Variants in ADGRF5 observed in about 807,000 individuals in gnomAD.
ADGRF5 encodes adhesion G protein-coupled receptor F5, also known as G-protein coupled receptor 116.
In ADGRF5, 75 loss-of-function variants were observed where a neutral mutation model predicts 132.3. The ratio of observed to expected loss-of-function variants is 0.57; its 90% CI spans 0.47 to 0.69. The LOEUF (loss-of-function observed/expected upper bound fraction) is 0.69. Ranked by LOEUF, ADGRF5 falls within the 30% of genes least tolerant of loss-of-function variation. The pLI, the probability that ADGRF5 is intolerant of heterozygous loss-of-function variation, is 0.00. For synonymous variants in ADGRF5, 629 were observed against 597.6 expected, an observed-to-expected ratio of 1.05 and a Z score of -0.77; for missense variants, 1,516 against 1,630.6, an observed-to-expected ratio of 0.93 and a Z score of 1.21.
chr6:46,856,104 A>C (rs747099929), intron 19 of ADGRF5, 46 bp from the exon 20 acceptor site: 4 of 1,087,390 alleles, frequency 3.7e-6, no homozygotes. Flanking sequence ...AATTTGTGGG[A>C]CCAAAGCTGT....
chr6:46,866,938 T>A lies in ADGRF5; in HGVS notation c.1821A>T (p.Ser607=), dbSNP rs1770517462. ...DYKVTFHTGS[S]SLPAAKEVNK... ...TCAGCATCTTACCAGCAGGAAGGGA[T>A]GAGGAACCCGTATGGAAAGTAACTT... is the stretch of plus-strand genomic sequence containing the variant. Residue 607 remains serine, a synonymous_variant, in exon 13 of 21, where the codon TCA becomes TCT. Transcript: ENST00000283296. 1.9e-6 allele frequency: 3 copies of A among 1,602,442 alleles called. No individual in the cohort carries two copies. The highest frequency in any genetic ancestry group is 2.2e-5 in the South Asian group (2 of 90,812).
At chr6:46,909,255 G>A (rs1249060026) in intron 1 of ADGRF5, among the ~76,000 whole-genome samples, 6 of 152,156 alleles carry the variant, frequency 3.9e-5, no homozygotes, top group African/African-American at 1.2e-4. Context: ...AATTCCTGGA[G>A]TAAACGGCAG....
intron 10 of ADGRF5, among the ~76,000 whole-genome samples, chr6:46,875,632 C>T (rs1562171179): frequency 6.6e-6 from 1 of 152,014 alleles, no homozygotes; most frequent in Admixed American, 6.6e-5. Flanking sequence ...GAAAAATTAG[C>T]AGGGTGTGGT....
In ADGRF5 at chr6:46,940,120, G is replaced by A. The variant is rs150130429; in HGVS notation, c.-25+14614C>T. ...TGCTAAACCAACAATACTAATGATTGACTTTTACTTTTCCTATATGTGAGA... is the reference window on the plus strand; with the variant it reads ...TGCTAAACCAACAATACTAATGATTAACTTTTACTTTTCCTATATGTGAGA... On this transcript the variant is annotated intron_variant, in intron 1 of 20. Coordinates refer to the ADGRF5 transcript ENST00000265417. Among the ~76,000 whole-genome samples, 1,025 of 152,120 alleles carry A rather than the reference G, an allele frequency of 6.7e-3. 1 individual carries two copies. The highest frequency in any genetic ancestry group is 0.011 in the Non-Finnish European group (744 of 67,968).
chr6:46,879,874 T>C lies in ADGRF5; in HGVS notation c.980A>G (p.Asn327Ser), dbSNP rs761919046. ...GAGCTTGGACACCGAAGTCATGTTG[T>C]TGAAAAGTGCGGTGTAAATCGAGAA... ...SRFSIYTALF[N>S]NMTSVSKLTI... Residue 327 changes from asparagine to serine, a missense_variant, in exon 9 of 21, where the codon AAC becomes AGC. Asn to Ser is a conservative substitution (Grantham distance 46). Transcript: ENST00000283296. 6.8e-6 allele frequency: 11 copies of C among 1,614,174 alleles called. No homozygotes were observed. Among genetic ancestry groups the C allele is most frequent in the Non-Finnish European group, 9.3e-6 (11 of 1,179,986 alleles).
At chr6:46,877,265 T>TTCTTTC (rs1771816386) in intron 10 of ADGRF5, among the ~76,000 whole-genome samples, 1 of 38,900 alleles carries the variant, frequency 2.6e-5, no homozygotes. Flanking sequence ...CTTTCTTTCT[T>TTCTTTC]TCTTTCTTTC....
intron 16 of ADGRF5, 120 bp downstream of exon 16, chr6:46,860,595 G>A: frequency 1.5e-6 from 1 of 656,940 alleles, no homozygotes; most frequent in Admixed American, 2.5e-5. Flanking sequence ...GAACTATCCT[G>A]AGCACTGCTC....
In ADGRF5 at chr6:46,882,039, G is replaced by A. The variant is rs773208080; in HGVS notation, c.671+10C>T. On this transcript the variant is annotated intron_variant, in intron 7 of 20. Transcript: ENST00000283296. ...ATAAATTAGAAATGATCAAATTAAAGTATTCTTACTTGAACCCTGTCACAG... is the reference window on the plus strand; with the variant it reads ...ATAAATTAGAAATGATCAAATTAAAATATTCTTACTTGAACCCTGTCACAG... 4 of 1,582,902 alleles carry A rather than the reference G, an allele frequency of 2.5e-6. No homozygotes were observed. In the South Asian group the frequency reaches 3.3e-5, roughly 13 times the overall value.
chr6:46,876,243 C>T (rs913941259), intron 10 of ADGRF5, among the ~76,000 whole-genome samples: 4 of 152,228 alleles, frequency 2.6e-5, no homozygotes, highest in Non-Finnish European at 5.9e-5. Context: ...AGGCTGCCAG[C>T]CCTGAGGCAG....
chr6:46,864,886 T>G (rs1770230122), intron 14 of ADGRF5, among the ~76,000 whole-genome samples, 156 bp downstream of exon 14: 2 of 152,194 alleles, frequency 1.3e-5, no homozygotes, highest in South Asian at 4.1e-4. Context: ...CATGGCTTAT[T>G]TCTTTTCTTT....
At chr6:46,900,756 T>C (rs1774677489) in intron 2 of ADGRF5, among the ~76,000 whole-genome samples, 1 of 152,156 alleles carries the variant, frequency 6.6e-6, no homozygotes, top group African/African-American at 2.4e-5. Context: ...ATAATAACAA[T>C]ATCAACTTCA....
At position 46,863,116 on chromosome 6, in the gene ADGRF5, A is replaced by G. The variant is rs781380176; in HGVS notation, c.1991-20T>C. 7 of 1,555,728 alleles carry G rather than the reference A, an allele frequency of 4.5e-6. No homozygotes were observed. Among genetic ancestry groups the G allele is most frequent in the Non-Finnish European group, 5.3e-6 (6 of 1,126,924 alleles). On this transcript the variant is annotated intron_variant, in intron 14 of 20. Coordinates refer to ENST00000283296, the MANE Select transcript of ADGRF5 (RefSeq NM_001098518.2). The stretch of plus-strand genomic sequence containing the variant: ...TTTCCCCTGTGTTGGAAACATTGAA[A>G]TAAAGGGATAATTGCAAGGAAGAGA...
chr6:46,868,475 G>C (rs1439101939), intron 12 of ADGRF5, among the ~76,000 whole-genome samples: 1 of 152,202 alleles, frequency 6.6e-6, no homozygotes, highest in East Asian at 1.9e-4. Flanking sequence ...AATGGATAGA[G>C]GTAAACAGGA....
At chr6:46,903,192 G>C (rs1774948415) in intron 2 of ADGRF5, among the ~76,000 whole-genome samples, 1 of 152,078 alleles carries the variant, frequency 6.6e-6, no homozygotes, top group South Asian at 2.1e-4. Flanking sequence ...TTACACTTTG[G>C]GTGCTGGGTA....
At chr6:46,946,548 T>A (rs1017242287) in intron 1 of ADGRF5, among the ~76,000 whole-genome samples, 11 of 152,124 alleles carry the variant, frequency 7.2e-5, no homozygotes, top group Admixed American at 5.9e-4. Context: ...CCTATTGTTT[T>A]AAGATGAGAA....
At position 46,943,198 on chromosome 6, in the gene ADGRF5, C is replaced by T. The variant is rs115870620; in HGVS notation, c.-25+11536G>A. Reference sequence around the variant, plus strand: ...TGCCTGCTAAAGTAAGTAAGGAGAACTTGTAGACCATCTCTGAGAAAATGG... The same window carrying T: ...TGCCTGCTAAAGTAAGTAAGGAGAATTTGTAGACCATCTCTGAGAAAATGG... On this transcript the variant is annotated intron_variant, in intron 1 of 20. Coordinates refer to the ADGRF5 transcript ENST00000265417. Among the ~76,000 whole-genome samples, 1,326 of 151,726 alleles carry T rather than the reference C, an allele frequency of 8.7e-3. 23 individuals are homozygous for T. The highest frequency in any genetic ancestry group is 0.029 in the African/African-American group (1,203 of 41,376).
intron 1 of ADGRF5, among the ~76,000 whole-genome samples, chr6:46,944,446 T>C (rs767539054): frequency 1.3e-5 from 2 of 152,174 alleles, no homozygotes; most frequent in Admixed American, 6.5e-5. Flanking sequence ...TCTAAGGTGC[T>C]GGTTGAAAAA....
At chr6:46,914,959 G>C (rs1293482191) in intron 1 of ADGRF5, among the ~76,000 whole-genome samples, 1 of 151,824 alleles carries the variant, frequency 6.6e-6, no homozygotes, top group African/African-American at 2.4e-5. Context: ...GGGTTCAAGC[G>C]ATTCTCCTGC....
chr6:46,920,015 G>A (rs1044953307), intron 1 of ADGRF5, among the ~76,000 whole-genome samples: 2 of 152,144 alleles, frequency 1.3e-5, no homozygotes, highest in Admixed American at 6.5e-5. Context: ...AAAATGAACC[G>A]ATCTGTTAAA....
Sources: gnomAD v4.1 joint callset for allele counts (sites outside exome capture counted in the v4.1 genomes callset) on GRCh38, gnomAD v4.1.1 for gene constraint, MANE v1.5 for transcripts, NCBI Gene and HGNC (gene_info 2026-07-23, HGNC 2026-07-21) for gene names.